HIP1: variants seen among roughly 807,000 people sequenced by gnomAD.
The protein encoded by HIP1 is huntingtin-interacting protein 1.
HIP1 carries 65 observed loss-of-function variants against 147.6 expected under a neutral mutation model. The ratio of observed to expected loss-of-function variants is 0.44; its 90% CI spans 0.36 to 0.54. HIP1 has a LOEUF of 0.54. HIP1 is among the 20% of genes least tolerant of loss of function. The pLI, the probability that HIP1 is intolerant of heterozygous loss-of-function variation, is 0.00. For synonymous variants in HIP1, 479 were observed against 504.0 expected (o/e 0.95, Z 0.67); for missense variants, 1,061 against 1,299.6 (o/e 0.82, Z 2.82).
chr7:75,569,609 G>GAAACA (rs782397927), intron 8 of HIP1, among the ~76,000 whole-genome samples: 84 of 152,064 alleles, frequency 5.5e-4, no homozygotes, highest in East Asian at 2.3e-3. Flanking sequence ...ACCCTGTCTT[G>GAAACA]AAACAAAACA....
intron 1 of HIP1, among the ~76,000 whole-genome samples, chr7:75,632,376 C>A (rs1798258172): frequency 6.6e-6 from 1 of 152,020 alleles, no homozygotes. Flanking sequence ...AGATAGTAAT[C>A]CACAAATGGT....
At chr7:75,683,117 G>T (rs1187932573) in intron 1 of HIP1, among the ~76,000 whole-genome samples, 2 of 152,052 alleles carry the variant, frequency 1.3e-5, no homozygotes, top group Non-Finnish European at 2.9e-5. Context: ...GAGCAGCTGG[G>T]ACTACAGGCG....
At chr7:75,558,299 A>C (rs1795094159) in intron 14 of HIP1, 44 bp from the exon 15 acceptor site, 2 of 1,466,836 alleles carry the variant, frequency 1.4e-6, no homozygotes, top group Middle Eastern at 3.5e-4. Context: ...CCTAGCAGGG[A>C]CCCTTGCCTT....
chr7:75,736,064 TTAA>T (rs1802010280), intron 1 of HIP1, among the ~76,000 whole-genome samples: 1 of 143,986 alleles, frequency 6.9e-6, no homozygotes. Context: ...GACCTCCGTC[TTAA>T]AAAAAAAAAA....
intron 23 of HIP1, among the ~76,000 whole-genome samples, chr7:75,548,188 C>G (rs1203094694): frequency 6.6e-6 from 1 of 152,092 alleles, no homozygotes; most frequent in African/African-American, 2.4e-5. Context: ...GCCACCACGC[C>G]CAGCTAATTT....
intron 1 of HIP1, among the ~76,000 whole-genome samples, chr7:75,733,074 C>T (rs1337338326): frequency 6.6e-6 from 1 of 152,196 alleles, no homozygotes; most frequent in Non-Finnish European, 1.5e-5. Flanking sequence ...AAACCATTTT[C>T]CAGCTAAGTA....
intron 1 of HIP1, among the ~76,000 whole-genome samples, chr7:75,610,496 C>T (rs1275870255): frequency 6.6e-6 from 1 of 151,998 alleles, no homozygotes; most frequent in East Asian, 1.9e-4. Flanking sequence ...AGTTGTGAGC[C>T]ACCGCACCTG....
intron 1 of HIP1, among the ~76,000 whole-genome samples, chr7:75,660,025 C>CTGAGGCGGAAGAATCGCG (rs1421828206): frequency 6.6e-6 from 1 of 151,604 alleles, no homozygotes; most frequent in Admixed American, 6.6e-5. Context: ...ACTCGGGAGG[C>CTGAGGCGGAAGAATCGCG]TGAGGCGGAA....
intron 1 of HIP1, among the ~76,000 whole-genome samples, chr7:75,607,591 C>G (rs1554504073): frequency 6.7e-6 from 1 of 148,454 alleles, no homozygotes; most frequent in Non-Finnish European, 1.5e-5. Context: ...GTCCCAGGTA[C>G]TTGGGAGGCT....
At chr7:75,560,547 C>A (rs377131796) in intron 13 of HIP1, among the ~76,000 whole-genome samples, 1 of 151,968 alleles carries the variant, frequency 6.6e-6, no homozygotes, top group Admixed American at 6.6e-5. Context: ...CCACTGTGCC[C>A]GGCAAACCAA....
At position 75,563,201 on chromosome 7, in the gene HIP1, G is replaced by C; in HGVS notation, c.866C>G (p.Pro289Arg). 6.2e-7 allele frequency: 1 copy of C among 1,614,222 alleles called. No homozygotes were observed. Among genetic ancestry groups the C allele is most frequent in the South Asian group, 1.1e-5 (1 of 91,088 alleles). The change falls in exon 10 of 31, where the codon CCC becomes CGC. Residue 289 changes from proline to arginine, a missense_variant. Physicochemically the swap from Pro to Arg is moderately radical, Grantham distance 103 (BLOSUM62 -2). This residue lies in a region of HIP1 where 810 missense variants were observed against 946.8 expected (regional missense o/e 0.86). Transcript: ENST00000336926. ...GGGCATGCTTACCTCAGGCAGCTGG[G>C]GGATCTGAATGAGCCGCTTGAAGTA... is the stretch of plus-strand genomic sequence containing the variant. Reference protein sequence around the residue: ...LQYFKRLIQIPQLPENPPNFL... With the variant: ...LQYFKRLIQIRQLPENPPNFL...
chr7:75,566,363 A>T (rs1173550899), intron 9 of HIP1, among the ~76,000 whole-genome samples: 1 of 151,554 alleles, frequency 6.6e-6, no homozygotes. Context: ...CACAGCCAGC[A>T]GCGGAGGTCC....
intron 7 of HIP1, among the ~76,000 whole-genome samples, chr7:75,576,638 C>CT (rs1402668248): frequency 6.6e-6 from 1 of 152,032 alleles, no homozygotes; most frequent in Admixed American, 6.6e-5. Flanking sequence ...ACAAGAATTG[C>CT]TTGGAGGCTG....
At chr7:75,639,562 CGTGTGTGTGTGTGTGT>C (rs57827695) in intron 1 of HIP1, among the ~76,000 whole-genome samples, 91 of 137,470 alleles carry the variant, frequency 6.6e-4, no homozygotes, top group Middle Eastern at 3.8e-3. Flanking sequence ...CGCCAGGAAG[CGTGTGTGTGTGTGTGT>C]GTGTGTGTGT....
chr7:75,577,158 C>G (rs1251808546), intron 7 of HIP1, among the ~76,000 whole-genome samples: 1 of 151,796 alleles, frequency 6.6e-6, no homozygotes. Flanking sequence ...TAGCAAGACC[C>G]CATCTCTACA....
chr7:75,601,817 C>T (rs1203394297), intron 1 of HIP1, among the ~76,000 whole-genome samples: 1 of 151,862 alleles, frequency 6.6e-6, no homozygotes, highest in African/African-American at 2.4e-5. Context: ...AAATGCTGAC[C>T]CCTTGTCCAT....
intron 1 of HIP1, among the ~76,000 whole-genome samples, chr7:75,627,330 T>C (rs1554508166): frequency 6.6e-6 from 1 of 152,196 alleles, no homozygotes; most frequent in Non-Finnish European, 1.5e-5. Flanking sequence ...CAATCATTCC[T>C]ACTTAGTTTC....
At chr7:75,565,287 T>A (rs1206934065) in intron 9 of HIP1, among the ~76,000 whole-genome samples, 1 of 152,180 alleles carries the variant, frequency 6.6e-6, no homozygotes, top group African/African-American at 2.4e-5. Context: ...GGGAGATGTT[T>A]TTCTAAGCTA....
chr7:75,594,514 G>A (rs150466144), intron 2 of HIP1, among the ~76,000 whole-genome samples: 1 of 152,210 alleles, frequency 6.6e-6, no homozygotes, highest in Non-Finnish European at 1.5e-5. Context: ...GGTGGCTCAC[G>A]GCTGTAATCA....
Sources: allele counts gnomAD v4.1 joint callset (sites outside exome capture counted in the v4.1 genomes callset), GRCh38; gene constraint gnomAD v4.1.1; regional missense constraint gnomAD v4.1.1; transcripts MANE v1.5; gene names NCBI Gene and HGNC (gene_info 2026-07-23, HGNC 2026-07-21).